Variants in ZFYVE28 observed in about 807,000 individuals in gnomAD.
The protein encoded by ZFYVE28 is lateral signaling target protein 2 homolog.
ZFYVE28 carries 40 observed loss-of-function variants against 82.1 expected under a neutral mutation model. The observed-to-expected ratio is 0.49, with a 90% CI of 0.38 to 0.63. The LOEUF (loss-of-function observed/expected upper bound fraction) is 0.63. Among genes scored for constraint, ZFYVE28 ranks in the 30% least tolerant of loss-of-function variants. The probability of loss-of-function intolerance (pLI) is 0.00; values close to 1 mark genes in which losing one functional copy is unlikely to be tolerated. For missense variants in ZFYVE28, 1,321 were observed against 1,242.1 expected (o/e 1.06, Z -0.96); for synonymous variants, 612 against 546.1 (o/e 1.12, Z -1.68).
chr4:2,277,172 C>T (rs2108800680), intron 8 of ZFYVE28, among the ~76,000 whole-genome samples: 1 of 152,262 alleles, frequency 6.6e-6, no homozygotes, highest in African/African-American at 2.4e-5. Context: ...TGTTACATAT[C>T]AATAAAGGCT....
At chr4:2,358,270 T>C (rs1725633568) in intron 1 of ZFYVE28, among the ~76,000 whole-genome samples, 1 of 152,184 alleles carries the variant, frequency 6.6e-6, no homozygotes, top group South Asian at 2.1e-4. Context: ...TGCATGTGAA[T>C]ATATGTGCAG....
At chr4:2,331,631 G>C (rs905096462) in intron 6 of ZFYVE28, among the ~76,000 whole-genome samples, 7 of 152,212 alleles carry the variant, frequency 4.6e-5, no homozygotes, top group Non-Finnish European at 8.8e-5. Flanking sequence ...CAGCAGGAGG[G>C]ACTGACTGGA....
intron 1 of ZFYVE28, among the ~76,000 whole-genome samples, chr4:2,369,030 G>A (rs73793732): frequency 0.033 from 5,076 of 152,268 alleles, 265 homozygotes; most frequent in African/African-American, 0.12. Flanking sequence ...TGAAGTGGCC[G>A]CTCACTGTGG....
intron 6 of ZFYVE28, among the ~76,000 whole-genome samples, chr4:2,327,308 ATCG>A (rs1720035109): frequency 2.8e-5 from 2 of 70,260 alleles, no homozygotes; most frequent in African/African-American, 9.8e-5. Flanking sequence ...ATATATATAT[ATCG>A]AATAAAGTTG....
chr4:2,332,189 G>A lies in ZFYVE28; in HGVS notation c.701+3516C>T, dbSNP rs1720813127. Among the ~76,000 whole-genome samples the A allele has an allele frequency of 1.3e-5, 2 of 152,026 alleles. No individual in the cohort carries two copies. The highest frequency in any genetic ancestry group is 1.3e-4 in the Admixed American group (2 of 15,276). On this transcript the variant is annotated intron_variant, in intron 6 of 12. Transcript: ENST00000290974. The surrounding 1 kb of genome is among the most constrained non-coding windows in gnomAD (Gnocchi z 4.7). ...AGCTCCTGCCCCGCTCAGCACCCCT[G>A]CCTCCCCTCTGCTCTCAGTGTTCCC... is the stretch of plus-strand genomic sequence containing the variant.
intron 2 of ZFYVE28, among the ~76,000 whole-genome samples, chr4:2,350,393 G>A (rs1473452756): frequency 6.6e-6 from 1 of 152,142 alleles, no homozygotes; most frequent in Non-Finnish European, 1.5e-5. Context: ...GAACCTGGGA[G>A]GCGGAACTTG....
chr4:2,293,256 GT>G (rs1038253089), intron 8 of ZFYVE28, among the ~76,000 whole-genome samples: 1 of 152,132 alleles, frequency 6.6e-6, no homozygotes. Flanking sequence ...CTGTTTCATT[GT>G]TTTCATTCGA....
intron 8 of ZFYVE28, among the ~76,000 whole-genome samples, chr4:2,290,707 A>G (rs1713514024): frequency 6.6e-6 from 1 of 152,126 alleles, no homozygotes; most frequent in African/African-American, 2.4e-5. Flanking sequence ...GGCAGGGGCC[A>G]GGCCAGGGCT....
rs73205439 is a variant in ZFYVE28, at chr4:2,387,297, A to G, written c.39+30988T>C. 4.5e-3 allele frequency among the ~76,000 whole-genome samples: 690 copies of G among 152,306 alleles called. 2 individuals carry two copies. The highest frequency in any genetic ancestry group is 0.01 in the South Asian group (49 of 4,830). ...TCAGCCAGGGCCACCTCTGCACCTC[A>G]GTCTCATTGGGAAGGGAAACTGAGC... On this transcript the variant is annotated intron_variant, in intron 1 of 12. Coordinates refer to ENST00000290974, the MANE Select transcript of ZFYVE28 (RefSeq NM_020972.3).
chr4:2,341,119 CTGCTGCTGCCCA>C lies in ZFYVE28; in HGVS notation c.318+347_318+358del, dbSNP rs1156550717. On this transcript the variant is annotated intron_variant, in intron 3 of 12. Transcript: ENST00000290974. This position sits in a 1 kb window ranked among gnomAD's most constrained non-coding sequence, Gnocchi z 4.5. ...GGGCTGCAGCACGGCTCCCCAGCCCCTGCTGCTGCCCATGCTGCAGGGCCGGAGGGGAACACT... is the reference window on the plus strand; with the variant it reads ...GGGCTGCAGCACGGCTCCCCAGCCCCTGCTGCAGGGCCGGAGGGGAACACT... 6.6e-6 allele frequency among the ~76,000 whole-genome samples: 1 copy of C among 152,056 alleles called. No individual in the cohort carries two copies. The highest frequency in any genetic ancestry group is 1.5e-5 in the Non-Finnish European group (1 of 67,990).
intron 6 of ZFYVE28, among the ~76,000 whole-genome samples, chr4:2,322,383 C>G (rs1029503259): frequency 6.6e-6 from 1 of 152,078 alleles, no homozygotes; most frequent in Admixed American, 6.5e-5. Context: ...ACAGGCCACC[C>G]AGGCCTGCGT....
chr4:2,284,453 T>C (rs1285671952), intron 8 of ZFYVE28, among the ~76,000 whole-genome samples: 1 of 152,146 alleles, frequency 6.6e-6, no homozygotes, highest in African/African-American at 2.4e-5. Flanking sequence ...ACAACCCAGC[T>C]TTCAGAGGAA....
At chr4:2,371,875 C>G (rs971405904) in intron 1 of ZFYVE28, among the ~76,000 whole-genome samples, 1 of 150,014 alleles carries the variant, frequency 6.7e-6, no homozygotes, top group Non-Finnish European at 1.5e-5. Context: ...GAGAAGCCGG[C>G]CTCGGCGGCA....
At position 2,408,263 on chromosome 4, in the gene ZFYVE28, C is replaced by T. The variant is rs918754806; in HGVS notation, c.39+10022G>A. ...CCCTGTGAGTGCTCCCAAGAACATC[C>T]TACCAAGCCAGCATTTCCCTGCATC... On this transcript the variant is annotated intron_variant, in intron 1 of 12. Transcript: ENST00000290974. This position sits in a 1 kb window ranked among gnomAD's most constrained non-coding sequence, Gnocchi z 4.3. Among the ~76,000 whole-genome samples, 1 of 152,154 alleles carries T rather than the reference C, an allele frequency of 6.6e-6. No homozygotes were observed. The highest frequency in any genetic ancestry group is 2.4e-5 in the African/African-American group (1 of 41,454).
chr4:2,283,090 CT>C (rs1712166256), intron 8 of ZFYVE28, among the ~76,000 whole-genome samples: 1 of 87,354 alleles, frequency 1.1e-5, no homozygotes, highest in African/African-American at 5.9e-5. Flanking sequence ...CTGGCTGCTT[CT>C]TGTAAAAGTC....
At position 2,394,010 on chromosome 4, in the gene ZFYVE28, T is replaced by C. The variant is rs1470371940; in HGVS notation, c.39+24275A>G. ...TCTGGAGGCTCCAGGGAAGAGTCTG[T>C]TTCCTTCCCTTTTCCAGCTTGCACA... On this transcript the variant is annotated intron_variant, in intron 1 of 12. Transcript: ENST00000290974. The surrounding 1 kb of genome is among the most constrained non-coding windows in gnomAD (Gnocchi z 4.0). Among the ~76,000 whole-genome samples, 1 of 152,000 alleles carries C rather than the reference T, an allele frequency of 6.6e-6. No homozygotes were observed. The highest frequency in any genetic ancestry group is 1.5e-5 in the Non-Finnish European group (1 of 67,998).
intron 7 of ZFYVE28, among the ~76,000 whole-genome samples, chr4:2,317,538 G>C (rs917008563): frequency 6.6e-6 from 1 of 152,170 alleles, no homozygotes; most frequent in Non-Finnish European, 1.5e-5. Flanking sequence ...AGGAGACCGA[G>C]TTCTGTCCTT....
Position 2,335,579 on chromosome 4 carries a change from C to A in ZFYVE28, c.701+126G>T. On this transcript the variant is annotated intron_variant, in intron 6 of 12. Transcript: ENST00000290974. This position sits in a 1 kb window ranked among gnomAD's most constrained non-coding sequence, Gnocchi z 5.8. ...GACAGCAGGCCTGCCTGTCACTGATCGGGACAGCTGAGCGGCCACCGTGAG... is the reference window on the plus strand; with the variant it reads ...GACAGCAGGCCTGCCTGTCACTGATAGGGACAGCTGAGCGGCCACCGTGAG... The A allele has an allele frequency of 2.4e-6, 2 of 847,692 alleles. No individual in the cohort carries two copies. Among genetic ancestry groups the A allele is most frequent in the Non-Finnish European group, 3.7e-6 (2 of 537,024 alleles). The allele number at this position is 847,692 out of a possible 1,614,324, so 52.5% of individuals were successfully genotyped here.
At chr4:2,380,731 A>G (rs1001081890) in intron 1 of ZFYVE28, among the ~76,000 whole-genome samples, 2 of 152,150 alleles carry the variant, frequency 1.3e-5, no homozygotes, top group African/African-American at 4.8e-5. Flanking sequence ...ACAAGGACTG[A>G]TGGTTTTATC....
Sources: gnomAD v4.1 joint callset for allele counts (sites outside exome capture counted in the v4.1 genomes callset) on GRCh38, gnomAD v4.1.1 for gene constraint, Gnocchi (gnomAD v3.1) non-coding constraint, MANE v1.5 for transcripts, NCBI Gene and HGNC (gene_info 2026-07-23, HGNC 2026-07-21) for gene names.